The following PCNX2 variants were observed in gnomAD, a reference collection of about 807,000 sequenced individuals.
The protein encoded by PCNX2 is pecanex 2, also known as pecanex-like protein 2.
Under a neutral mutation model 223.8 loss-of-function variants are expected in PCNX2, and 168 were observed. That is an observed-to-expected ratio of 0.75 (90% confidence interval 0.66 to 0.85). The LOEUF (loss-of-function observed/expected upper bound fraction) is 0.85. Among genes scored for constraint, PCNX2 ranks in the 40% least tolerant of loss-of-function variants. The pLI is 0.00. For missense variants in PCNX2, 2,507 were observed against 2,675.5 expected (o/e 0.94, Z 1.39); for synonymous variants, 1,006 against 1,052.6 (o/e 0.96, Z 0.86).
intron 10 of PCNX2, among the ~76,000 whole-genome samples, chr1:233,225,126 A>C (rs944883600): frequency 6.6e-6 from 1 of 151,150 alleles, no homozygotes; most frequent in Non-Finnish European, 1.5e-5. Flanking sequence ...AAAAAAAAAA[A>C]AAAAAAAAAA....
At chr1:233,316,074 T>C in the PCNX2 span, among the ~76,000 whole-genome samples, 1 of 152,214 alleles carries the variant, frequency 6.6e-6, no homozygotes, top group African/African-American at 2.4e-5. Flanking sequence ...CTGGAACCAC[T>C]CAGGTTTTTA....
rs767665261 is a variant in PCNX2 at position 233,017,001 on chromosome 1, A to G, written c.4759T>C (p.Cys1587Arg). ...CTAGCTCGTGTGATCCCCTGGAGAC[A>G]CGGGACGTAGTCATCATCAATGTTA... ...NINIDDDYVP[C>R]LQGITRASFC... Residue 1587 changes from cysteine to arginine, a missense_variant, in exon 27 of 34, where the codon TGT (cysteine) becomes CGT (arginine). Cys to Arg is a radical substitution (Grantham distance 180). Transcript: ENST00000258229. 2 of 1,613,894 alleles carry G rather than the reference A, an allele frequency of 1.2e-6. No individual in the cohort carries two copies. Among genetic ancestry groups the G allele is most frequent in the Non-Finnish European group, 1.7e-6 (2 of 1,179,888 alleles).
chr1:233,080,334 G>A (rs1399599926), intron 23 of PCNX2, among the ~76,000 whole-genome samples: 1 of 151,496 alleles, frequency 6.6e-6, no homozygotes, highest in Non-Finnish European at 1.5e-5. Context: ...CCCAAACACG[G>A]TCCTGTAGTA....
At chr1:233,148,049 G>A (rs568575782) in intron 19 of PCNX2, among the ~76,000 whole-genome samples, 6 of 152,230 alleles carry the variant, frequency 3.9e-5, no homozygotes, top group East Asian at 1.9e-4. Flanking sequence ...TACTGCCCAC[G>A]GTACTTCAAA....
rs560092773 is a variant in PCNX2, at chr1:233,071,525, T to C, written c.4077-14235A>G. ...TATGGCTTCATAGTATTCCATGGTG[T>C]ATATGTACCACATTTTCTTTATCCA... On this transcript the variant is annotated intron_variant, in intron 23 of 33. Transcript: ENST00000258229. Among the ~76,000 whole-genome samples, 2 of 152,348 alleles carry C rather than the reference T, an allele frequency of 1.3e-5. 1 individual carries two copies. The highest frequency in any genetic ancestry group is 3.9e-4 in the East Asian group (2 of 5,184).
At chr1:233,177,226 A>G (rs1434596850) in intron 17 of PCNX2, among the ~76,000 whole-genome samples, 2 of 152,238 alleles carry the variant, frequency 1.3e-5, no homozygotes, top group African/African-American at 4.8e-5. Context: ...TAGCCTAAAT[A>G]CTTGCTCTGG....
rs1660597003 is a variant in PCNX2, at chr1:233,270,693, G to A, written c.154-7530C>T. 3.3e-5 allele frequency among the ~76,000 whole-genome samples: 5 copies of A among 152,186 alleles called. No homozygotes were observed. The South Asian group carries it at 1.0e-3, about 32-fold the overall frequency. On this transcript the variant is annotated intron_variant, in intron 1 of 33. Coordinates refer to ENST00000258229, the MANE Select transcript of PCNX2 (RefSeq NM_014801.4). ...AGGCCTGCTATTTGACTTTTGTTGG[G>A]TTTGCTGTCTGTTTCTTATGAAATC...
At chr1:233,169,640 G>A (rs1346976017) in intron 17 of PCNX2, among the ~76,000 whole-genome samples, 6 of 115,416 alleles carry the variant, frequency 5.2e-5, no homozygotes, top group African/African-American at 1.6e-4. Flanking sequence ...GCGAAACTCC[G>A]TCTCAAAAAA....
intron 21 of PCNX2, among the ~76,000 whole-genome samples, chr1:233,124,535 G>A (rs1675993005): frequency 6.6e-6 from 1 of 152,196 alleles, no homozygotes. Flanking sequence ...TCCACATACT[G>A]ACCCTGTGAA....
chr1:233,123,261 T>C (rs1675908302), intron 21 of PCNX2, among the ~76,000 whole-genome samples: 2 of 152,146 alleles, frequency 1.3e-5, no homozygotes, highest in Non-Finnish European at 2.9e-5. Flanking sequence ...TTTCTGTAAA[T>C]CTAGAATTAT....
chr1:233,160,479 G>C, intron 18 of PCNX2, 46 bp from the exon 19 acceptor site: 3 of 1,576,286 alleles, frequency 1.9e-6, no homozygotes, highest in Non-Finnish European at 2.6e-6. Flanking sequence ...CTAGAGGATG[G>C]GGAGAGGGAT....
chr1:233,010,414 A>G (rs1323411645), intron 28 of PCNX2, among the ~76,000 whole-genome samples: 1 of 152,192 alleles, frequency 6.6e-6, no homozygotes, highest in Non-Finnish European at 1.5e-5. Flanking sequence ...ATCCTCTTGG[A>G]AGCTTACTCT....
chr1:233,268,793 T>A (rs112324889), intron 1 of PCNX2, among the ~76,000 whole-genome samples: 15,093 of 152,234 alleles, frequency 0.099, 918 homozygotes, highest in South Asian at 0.19. Context: ...AGCCAGCCTC[T>A]CCACCCCCAT....
chr1:233,064,273 A>C (rs1159419662), intron 23 of PCNX2, among the ~76,000 whole-genome samples: 1 of 152,218 alleles, frequency 6.6e-6, no homozygotes. Context: ...GGTTTTACAC[A>C]CCAGTACCAT....
intron 5 of PCNX2, 128 bp from the exon 6 acceptor site, chr1:233,252,916 G>A: frequency 1.0e-6 from 1 of 964,588 alleles, no homozygotes; most frequent in Non-Finnish European, 1.5e-6. Flanking sequence ...CATGCAAAAG[G>A]CTTTTAAATA....
chr1:233,118,911 G>GA (rs1675586542), intron 21 of PCNX2, among the ~76,000 whole-genome samples: 1 of 152,018 alleles, frequency 6.6e-6, no homozygotes, highest in Admixed American at 6.5e-5. Context: ...ACAATTTTGG[G>GA]AAAAAATAAA....
intron 28 of PCNX2, among the ~76,000 whole-genome samples, chr1:233,009,802 CT>C (rs1670402833): frequency 6.6e-6 from 1 of 152,172 alleles, no homozygotes; most frequent in African/African-American, 2.4e-5. Context: ...ACCAGAGAAC[CT>C]GGGGTCTCCT....
intron 12 of PCNX2, among the ~76,000 whole-genome samples, chr1:233,209,039 T>A (rs1214497651): frequency 6.6e-6 from 1 of 152,168 alleles, no homozygotes. Flanking sequence ...ATTCATCTTG[T>A]TCATTCCAAG....
At chr1:233,114,672 G>A (rs1282051871) in intron 21 of PCNX2, among the ~76,000 whole-genome samples, 7 of 152,216 alleles carry the variant, frequency 4.6e-5, no homozygotes, top group East Asian at 3.9e-4. Flanking sequence ...ATATTGCAGC[G>A]GTCACAGAAA....
Sources: allele counts gnomAD v4.1 joint callset (sites outside exome capture counted in the v4.1 genomes callset), GRCh38; gene constraint gnomAD v4.1.1; transcripts MANE v1.5; gene names NCBI Gene and HGNC (gene_info 2026-07-23, HGNC 2026-07-21).